The following CSMD3 variants were observed in gnomAD, a reference collection of about 807,000 sequenced individuals.
CSMD3 encodes CUB and sushi domain-containing protein 3.
CSMD3 carries 177 observed loss-of-function variants against 435.2 expected under a neutral mutation model. That is an observed-to-expected ratio of 0.41 (90% CI 0.36 to 0.46). CSMD3 has a LOEUF of 0.46. Ranked by LOEUF, CSMD3 falls within the 20% of genes least tolerant of loss-of-function variation. The pLI is 0.34. For synonymous variants in CSMD3, 1,656 were observed against 1,520.5 expected (o/e 1.09, Z -2.07); for missense variants, 4,265 against 4,504.6 (o/e 0.95, Z 1.52).
At chr8:112,737,222 C>A in intron 13 of CSMD3, among the ~76,000 whole-genome samples, 1 of 151,822 alleles carries the variant, frequency 6.6e-6, no homozygotes, top group East Asian at 1.9e-4. Flanking sequence ...AATATATTTT[C>A]TCCAGAAACT....
intron 4 of CSMD3, among the ~76,000 whole-genome samples, chr8:113,148,192 TTTTTAATTCC>T (rs2091723744): frequency 6.6e-6 from 1 of 151,744 alleles, no homozygotes; most frequent in Non-Finnish European, 1.5e-5. Flanking sequence ...GTGCCAGATA[TTTTTAATTCC>T]TCAAAAATAC....
intron 3 of CSMD3, among the ~76,000 whole-genome samples, chr8:113,182,387 C>T (rs2092433810): frequency 6.6e-6 from 1 of 151,756 alleles, no homozygotes; most frequent in African/African-American, 2.4e-5. Context: ...GCTTTTAATA[C>T]GTTGGTCTGA....
chr8:112,336,817 C>T lies in CSMD3; in HGVS notation c.6854G>A (p.Gly2285Glu), dbSNP rs1824610629. Residue 2285 changes from glycine (G) to glutamate (E), a missense_variant, in exon 44 of 71, where the codon GGG (glycine) becomes GAG (glutamate). This residue lies in a region of CSMD3 where 3,255 missense variants were observed against 3,380.2 expected (regional missense o/e 0.96). Transcript: ENST00000297405. ...PLPRCEALCG[G>E]NITAMNGTIY... ...GGTGCCATTCATTGCAGTTATATTC[C>T]CACCACAAAGAGCTACGGAAAAAGT... 6.2e-7 allele frequency: 1 copy of T among 1,612,292 alleles called. No individual in the cohort carries two copies.
chr8:112,561,583 T>A (rs1828626988), intron 24 of CSMD3, among the ~76,000 whole-genome samples: 1 of 151,644 alleles, frequency 6.6e-6, no homozygotes, highest in South Asian at 2.1e-4. Context: ...ATATTCAGAT[T>A]ACCATTCATA....
In CSMD3 at chr8:113,124,093, G is replaced by C. The variant is rs1432347786; in HGVS notation, c.710-25130C>G. On this transcript the variant is annotated intron_variant, in intron 4 of 70. Coordinates refer to ENST00000297405, the MANE Select transcript of CSMD3 (RefSeq NM_198123.2). Reference sequence around the variant, plus strand: ...TTTGCATCTGTACCAAATACGTGGTGGTTCATTCTTTCCTCCCCATTCATA... The same window carrying C: ...TTTGCATCTGTACCAAATACGTGGTCGTTCATTCTTTCCTCCCCATTCATA... Among the ~76,000 whole-genome samples, 3 of 151,918 alleles carry C rather than the reference G, an allele frequency of 2.0e-5. No homozygotes were observed. The East Asian group carries it at 5.8e-4, about 29-fold the overall frequency.
At chr8:112,520,657 G>A (rs898105049) in intron 27 of CSMD3, among the ~76,000 whole-genome samples, 2 of 151,866 alleles carry the variant, frequency 1.3e-5, no homozygotes, top group African/African-American at 4.8e-5. Flanking sequence ...AAAAGAAAGA[G>A]GCAAGGTTAT....
chr8:112,744,381 T>G (rs2077381344), intron 13 of CSMD3, among the ~76,000 whole-genome samples: 1 of 152,124 alleles, frequency 6.6e-6, no homozygotes, highest in African/African-American at 2.4e-5. Flanking sequence ...TGATTTGAAA[T>G]AAGTAATTGA....
At chr8:113,180,642 T>A (rs868567053) in intron 3 of CSMD3, among the ~76,000 whole-genome samples, 6 of 152,036 alleles carry the variant, frequency 3.9e-5, no homozygotes, top group Non-Finnish European at 7.4e-5. Context: ...AAGTTAATTA[T>A]CACACAGATC....
At chr8:112,854,389 G>A (rs1213390197) in intron 11 of CSMD3, among the ~76,000 whole-genome samples, 3 of 152,086 alleles carry the variant, frequency 2.0e-5, no homozygotes, top group African/African-American at 7.2e-5. Flanking sequence ...AAAATTTGTG[G>A]GGAGAGGGCA....
At chr8:113,166,680 AG>A (rs2092156594) in intron 4 of CSMD3, among the ~76,000 whole-genome samples, 1 of 152,154 alleles carries the variant, frequency 6.6e-6, no homozygotes, top group African/African-American at 2.4e-5. Context: ...CCTAATTTTT[AG>A]GGTAATGTGA....
chr8:113,353,911 G>T (rs1445931389), intron 1 of CSMD3, among the ~76,000 whole-genome samples: 2 of 152,014 alleles, frequency 1.3e-5, no homozygotes, highest in African/African-American at 4.8e-5. Context: ...GCTTGTCTCA[G>T]TGACCTACTT....
intron 12 of CSMD3, among the ~76,000 whole-genome samples, chr8:112,811,225 C>T (rs1554686599): frequency 6.6e-6 from 1 of 151,460 alleles, no homozygotes; most frequent in Non-Finnish European, 1.5e-5. Context: ...AAAATAGTAA[C>T]AAAAAAGAAA....
At position 112,347,506 on chromosome 8, in the gene CSMD3, A is replaced by G. The variant is rs138053102; in HGVS notation, c.6326-1293T>C. 6.3e-3 allele frequency among the ~76,000 whole-genome samples: 954 copies of G among 152,322 alleles called. 5 individuals carry two copies. The highest frequency in any genetic ancestry group is 0.012 in the South Asian group (56 of 4,830). Reference sequence around the variant, plus strand: ...TTAACAATGTTTTATACAATATTCAATAAGTTTGACAACTATCTTTTGCTA... The same window carrying G: ...TTAACAATGTTTTATACAATATTCAGTAAGTTTGACAACTATCTTTTGCTA... On this transcript the variant is annotated intron_variant, in intron 40 of 70. Transcript: ENST00000297405.
intron 59 of CSMD3, among the ~76,000 whole-genome samples, chr8:112,277,360 A>T (rs1818168557): frequency 1.3e-5 from 2 of 152,188 alleles, no homozygotes; most frequent in African/African-American, 4.8e-5. Context: ...ACTAAAACGT[A>T]GCAAGAGTCA....
At chr8:112,846,126 T>C (rs920219570) in intron 11 of CSMD3, among the ~76,000 whole-genome samples, 1 of 151,906 alleles carries the variant, frequency 6.6e-6, no homozygotes. Context: ...TCTTATTTGA[T>C]ACTTTTTTTG....
In CSMD3 at chr8:113,314,619, T is replaced by C. The variant is rs1215430049; in HGVS notation, c.353A>G (p.Tyr118Cys). The C allele has an allele frequency of 3.1e-6, 5 of 1,610,312 alleles. No homozygotes were observed. Among genetic ancestry groups the C allele is most frequent in the Non-Finnish European group, 4.2e-6 (5 of 1,176,856 alleles). Residue 118 changes from tyrosine to cysteine, a missense_variant, in exon 2 of 71, where the codon TAC (tyrosine) becomes TGC (cysteine). This residue lies in a region of CSMD3 where 731 missense variants were observed against 755.4 expected (regional missense o/e 0.97). Transcript: ENST00000297405. ...AGGATGTCCATCATATAATGATAAGTAGTCGTATTCTTCTTCTAGAGCAAA... is the reference window on the plus strand; with the variant it reads ...AGGATGTCCATCATATAATGATAAGCAGTCGTATTCTTCTTCTAGAGCAAA... ...QSFALEEEYDYLSLYDGHPHP... is the reference protein window; with the variant it reads ...QSFALEEEYDCLSLYDGHPHP...
At chr8:112,297,841 T>C (rs888742792) in intron 53 of CSMD3, among the ~76,000 whole-genome samples, 3 of 151,974 alleles carry the variant, frequency 2.0e-5, no homozygotes, top group Non-Finnish European at 4.4e-5. Flanking sequence ...ACAACTTTAG[T>C]TGGGCACAGT....
chr8:112,751,151 C>T (rs2077561483), intron 13 of CSMD3, among the ~76,000 whole-genome samples: 1 of 151,970 alleles, frequency 6.6e-6, no homozygotes, highest in African/African-American at 2.4e-5. Context: ...TGCATATAAT[C>T]CTCCCCAGCC....
chr8:112,431,512 A>G (rs763418792), intron 32 of CSMD3, among the ~76,000 whole-genome samples: 20 of 152,144 alleles, frequency 1.3e-4, no homozygotes, highest in Non-Finnish European at 2.4e-4. Context: ...AGAAAAGGGC[A>G]ATAGGAAAAA....
Sources: allele counts gnomAD v4.1 joint callset (sites outside exome capture counted in the v4.1 genomes callset), GRCh38; gene constraint gnomAD v4.1.1; regional missense constraint gnomAD v4.1.1; transcripts MANE v1.5; gene names NCBI Gene and HGNC (gene_info 2026-07-23, HGNC 2026-07-21).